AIM2: variants seen among roughly 807,000 people sequenced by gnomAD.
AIM2 encodes the protein interferon-inducible protein AIM2.
AIM2 carries 30 observed loss-of-function variants against 27.7 expected under a neutral mutation model. The observed-to-expected ratio is 1.08, with a 90% CI of 0.81 to 1.47. The LOEUF is 1.47. AIM2 is among the 40% of genes most tolerant of loss of function. The pLI, the probability that AIM2 is intolerant of heterozygous loss-of-function variation, is 0.00. For missense variants in AIM2, 358 were observed against 411.3 expected (o/e 0.87, Z 1.12); for synonymous variants, 141 against 145.3 (o/e 0.97, Z 0.21).
chr1:159,102,472 C>T (rs939393295), intron 1 of AIM2, among the ~76,000 whole-genome samples: 3 of 152,226 alleles, frequency 2.0e-5, no homozygotes, highest in African/African-American at 2.4e-5. Flanking sequence ...GGCCACCGTC[C>T]TCCAGTCCCC....
intron 4 of AIM2, among the ~76,000 whole-genome samples, chr1:159,064,398 T>A (rs1655986027): frequency 6.6e-6 from 1 of 152,174 alleles, no homozygotes; most frequent in Admixed American, 6.5e-5. Context: ...ATGGAGCTTC[T>A]CCAGGGCCAG....
chr1:159,066,647 G>A (rs1656116382), intron 3 of AIM2, among the ~76,000 whole-genome samples: 1 of 152,196 alleles, frequency 6.6e-6, no homozygotes, highest in Non-Finnish European at 1.5e-5. Context: ...ATACTGCTAA[G>A]CCTCGGGGTA....
At chr1:159,129,667 C>T (rs1377590447) in intron 1 of AIM2, among the ~76,000 whole-genome samples, 1 of 152,124 alleles carries the variant, frequency 6.6e-6, no homozygotes, top group Non-Finnish European at 1.5e-5. Flanking sequence ...GGAATCATGC[C>T]CTCAGAACAG....
At chr1:159,127,650 T>C (rs1033970480) in intron 1 of AIM2, among the ~76,000 whole-genome samples, 1 of 152,230 alleles carries the variant, frequency 6.6e-6, no homozygotes, top group Non-Finnish European at 1.5e-5. Flanking sequence ...TGGGATTTCA[T>C]AAGTGCTCTT....
At chr1:159,063,293 A>G (rs1475276676) in intron 5 of AIM2, among the ~76,000 whole-genome samples, 193 bp downstream of exon 5, 4 of 152,140 alleles carry the variant, frequency 2.6e-5, no homozygotes, top group Non-Finnish European at 5.9e-5. Context: ...TGAAAAGCCC[A>G]TGTTCTCTTA....
chr1:159,104,579 T>G (rs1226712469), intron 1 of AIM2, among the ~76,000 whole-genome samples: 1 of 152,210 alleles, frequency 6.6e-6, no homozygotes, highest in African/African-American at 2.4e-5. Flanking sequence ...CTTCAAAGAC[T>G]TAATACAAAA....
At chr1:159,108,645 A>G (rs541226741) in intron 1 of AIM2, among the ~76,000 whole-genome samples, 1 of 152,272 alleles carries the variant, frequency 6.6e-6, no homozygotes, top group Non-Finnish European at 1.5e-5. Flanking sequence ...AGAAAACCCT[A>G]AAGACTCCTC....
chr1:159,122,763 C>T (rs943359259), intron 1 of AIM2, among the ~76,000 whole-genome samples: 2 of 152,158 alleles, frequency 1.3e-5, no homozygotes, highest in Non-Finnish European at 2.9e-5. Flanking sequence ...TGCCTTGCTC[C>T]TCTAATGTGT....
chr1:159,084,778 T>TACACACACACAC (rs113134051), intron 1 of AIM2, among the ~76,000 whole-genome samples: 13,592 of 134,928 alleles, frequency 0.1, 937 homozygotes, highest in Non-Finnish European at 0.13. Context: ...CTGTCTGAAA[T>TACACACACACAC]ACACACACAC....
chr1:159,079,111 A>G (rs1407362084), upstream of AIM2, among the ~76,000 whole-genome samples: 1 of 152,158 alleles, frequency 6.6e-6, no homozygotes, highest in African/African-American at 2.4e-5. Context: ...AAAACAAATC[A>G]GAAGAAGGAA....
chr1:159,136,409 G>A (rs1478333691), intron 1 of AIM2, among the ~76,000 whole-genome samples: 1 of 152,144 alleles, frequency 6.6e-6, no homozygotes, highest in Admixed American at 6.5e-5. Flanking sequence ...TTTACTAGAT[G>A]AGAAAATCAA....
chr1:159,143,880 C>A (rs920788004), upstream of AIM2, among the ~76,000 whole-genome samples: 1 of 152,086 alleles, frequency 6.6e-6, no homozygotes, highest in Admixed American at 6.6e-5. Flanking sequence ...CAAATTCCAA[C>A]GTAGGAATGA....
At chr1:159,096,625 GC>G (rs530876834) in intron 1 of AIM2, among the ~76,000 whole-genome samples, 172 of 151,936 alleles carry the variant, frequency 1.1e-3, no homozygotes, top group African/African-American at 4.0e-3. Context: ...AATTTCTGTG[GC>G]TTGCCATTTC....
intron 1 of AIM2, among the ~76,000 whole-genome samples, chr1:159,102,009 C>T (rs1344909603): frequency 6.7e-6 from 1 of 149,690 alleles, no homozygotes; most frequent in African/African-American, 2.5e-5. Context: ...GTCTCCAGGG[C>T]ATGTCAGAGA....
At chr1:159,133,254 T>TA (rs957712450) in intron 1 of AIM2, among the ~76,000 whole-genome samples, 2 of 152,010 alleles carry the variant, frequency 1.3e-5, no homozygotes, top group Non-Finnish European at 2.9e-5. Flanking sequence ...TATCTCCCAC[T>TA]AAAAAAACAA....
At chr1:159,126,071 G>C (rs1462809317) in intron 1 of AIM2, among the ~76,000 whole-genome samples, 2 of 152,200 alleles carry the variant, frequency 1.3e-5, no homozygotes. Context: ...TGTGTGCAAA[G>C]GAATGTTCCT....
In AIM2 at chr1:159,062,633, AT is replaced by A. The variant is rs1655877028; in HGVS notation, c.*58del. The A allele has an allele frequency of 6.5e-7, 1 of 1,527,818 alleles. No homozygotes were observed. The highest frequency in any genetic ancestry group is 9.1e-7 in the Non-Finnish European group (1 of 1,104,468). The allele number at this position is 1,527,818 out of a possible 1,614,324, so 94.6% of individuals were successfully genotyped here. On this transcript the variant is annotated 3_prime_UTR_variant, in exon 6 of 6. Transcript: ENST00000368130. ...AATCTGATTGAAGAGGCTGTATCAC[AT>A]ATTCTTCAATTAAATGCTGCTTAGA... is the stretch of plus-strand genomic sequence containing the variant.
downstream of AIM2, among the ~76,000 whole-genome samples, chr1:159,061,000 A>G (rs1156246671): frequency 1.3e-5 from 2 of 152,242 alleles, no homozygotes; most frequent in East Asian, 3.8e-4. Context: ...CATTCCCACC[A>G]GCAATAAGTA....
intron 1 of AIM2, among the ~76,000 whole-genome samples, chr1:159,075,953 T>C (rs1656591114): frequency 6.6e-6 from 1 of 152,100 alleles, no homozygotes; most frequent in African/African-American, 2.4e-5. Context: ...AATGGCCTTA[T>C]AATGTTTTTT....
Sources: allele counts gnomAD v4.1 joint callset (sites outside exome capture counted in the v4.1 genomes callset), GRCh38; gene constraint gnomAD v4.1.1; transcripts MANE v1.5; gene names NCBI Gene and HGNC (gene_info 2026-07-23, HGNC 2026-07-21).